The following FRMPD4 variants were observed in gnomAD, a reference collection of about 807,000 sequenced individuals.
FRMPD4 encodes the protein FERM and PDZ domain-containing protein 4.
FRMPD4 carries 22 observed loss-of-function variants against 94.1 expected under a neutral mutation model. The observed-to-expected ratio is 0.23, with a 90% CI of 0.17 to 0.33. FRMPD4 has a LOEUF of 0.33. FRMPD4 is among the 10% of genes least tolerant of loss of function. The probability of loss-of-function intolerance (pLI) is 1.00; values close to 1 mark genes in which losing one functional copy is unlikely to be tolerated. For synonymous variants in FRMPD4, 631 were observed against 548.6 expected (o/e 1.15, Z -2.10); for missense variants, 1,111 against 1,339.9 (o/e 0.83, Z 2.67).
chrX:12,528,319 G>GTTTTTTTT (rs62720861), intron 2 of FRMPD4, among the ~76,000 whole-genome samples: 3 of 73,863 alleles, frequency 4.1e-5, no homozygotes, highest in East Asian at 3.9e-4. Context: ...TTTTGTTTTT[G>GTTTTTTTT]TTTTTTTTTT....
At chrX:12,715,999 C>CGGGGGGGG in intron 14 of FRMPD4, 70 bp from the exon 15 acceptor site, 3 of 337,358 alleles carry the variant, frequency 8.9e-6, no homozygotes, top group Non-Finnish European at 5.4e-6. Flanking sequence ...CAGAGACGAG[C>CGGGGGGGG]CTCCCACCCC....
intron 1 of FRMPD4, among the ~76,000 whole-genome samples, chrX:12,213,305 A>G (rs1320643940): frequency 1.8e-5 from 2 of 112,095 alleles, no homozygotes; most frequent in Non-Finnish European, 3.8e-5. Flanking sequence ...TCTTATCGTT[A>G]ATGCTTTTGA....
upstream of FRMPD4, among the ~76,000 whole-genome samples, chrX:12,138,002 T>C (rs1390311012): frequency 9.0e-6 from 1 of 111,452 alleles, no homozygotes; most frequent in African/African-American, 3.3e-5. Context: ...AGCAGCTGTG[T>C]TCATCCCCCT....
At position 12,196,318 on chromosome X, in the gene FRMPD4, C is replaced by T. The variant is rs576492980; in HGVS notation, c.41+57306C>T. On this transcript the variant is annotated intron_variant, in intron 1 of 16. Coordinates refer to ENST00000675598, the MANE Select transcript of FRMPD4 (RefSeq NM_001368397.1). ...GGCAGAGCCCAGATTGCTTCAGTCC[C>T]TACTGCCATCACATTCTCCTTTGGG... Among the ~76,000 whole-genome samples the T allele has an allele frequency of 1.1e-3, 120 of 111,775 alleles. 1 individual carries two copies. Among genetic ancestry groups the T allele is most frequent in the Non-Finnish European group, 8.8e-4 (47 of 53,133 alleles).
At chrX:12,242,366 G>C (rs1238379173) in intron 1 of FRMPD4, among the ~76,000 whole-genome samples, 3 of 111,284 alleles carry the variant, frequency 2.7e-5, no homozygotes, top group African/African-American at 9.8e-5. Flanking sequence ...TGCATTGAAT[G>C]GTGAGTTTAC....
intron 10 of FRMPD4, among the ~76,000 whole-genome samples, chrX:12,702,727 G>T (rs2041809598): frequency 8.9e-6 from 1 of 112,405 alleles, no homozygotes; most frequent in African/African-American, 3.2e-5. Flanking sequence ...TCTCCAACTT[G>T]CTGACTTCAA....
chrX:12,638,122 C>T (rs991051808), intron 4 of FRMPD4, among the ~76,000 whole-genome samples: 1 of 112,502 alleles, frequency 8.9e-6, no homozygotes, highest in African/African-American at 3.2e-5. Flanking sequence ...ACTAGACACA[C>T]TTTTATTCAT....
intron 3 of FRMPD4, among the ~76,000 whole-genome samples, chrX:11,944,619 C>A (rs770228756): frequency 9.0e-6 from 1 of 111,651 alleles, no homozygotes; most frequent in Admixed American, 9.5e-5. Flanking sequence ...CTAGGATCAG[C>A]AGAACATGCT....
At chrX:12,570,764 A>G (rs896413020) in intron 2 of FRMPD4, among the ~76,000 whole-genome samples, 7 of 111,316 alleles carry the variant, frequency 6.3e-5, no homozygotes, top group African/African-American at 2.3e-4. Flanking sequence ...TTTCAATTTA[A>G]TAACTGAGAA....
intron 1 of FRMPD4, among the ~76,000 whole-genome samples, chrX:11,849,722 C>T (rs752153274): frequency 9.3e-6 from 1 of 108,058 alleles, no homozygotes; most frequent in Admixed American, 9.9e-5. Context: ...AAGAGATATC[C>T]ACATGCAGAA....
upstream of FRMPD4, among the ~76,000 whole-genome samples, chrX:12,138,045 A>G (rs2055625577): frequency 9.0e-6 from 1 of 111,573 alleles, no homozygotes; most frequent in South Asian, 3.8e-4. Context: ...TATTTGGCAG[A>G]CACTCCCGCG....
At chrX:12,131,690 C>T (rs1170992847) in intron 3 of FRMPD4, among the ~76,000 whole-genome samples, 1 of 111,678 alleles carries the variant, frequency 9.0e-6, no homozygotes, top group Non-Finnish European at 1.9e-5. Flanking sequence ...TCCCACAAAT[C>T]TATATTCAAA....
chrX:12,676,783 T>C (rs2059905128), intron 5 of FRMPD4, among the ~76,000 whole-genome samples: 1 of 112,021 alleles, frequency 8.9e-6, no homozygotes, highest in African/African-American at 3.2e-5. Context: ...TTTCTAGGAG[T>C]TCCGATGGCT....
chrX:12,081,539 A>G (rs2055062443), intron 3 of FRMPD4, among the ~76,000 whole-genome samples: 1 of 111,278 alleles, frequency 9.0e-6, no homozygotes, highest in African/African-American at 3.3e-5. Flanking sequence ...TTGTAGATCT[A>G]GTAACAGGCT....
chrX:12,623,592 A>C (rs1456530797), intron 4 of FRMPD4, among the ~76,000 whole-genome samples: 1 of 84,660 alleles, frequency 1.2e-5, no homozygotes, highest in Non-Finnish European at 2.3e-5. Flanking sequence ...AAGGGGAAAA[A>C]GCTTATTTAA....
intron 2 of FRMPD4, among the ~76,000 whole-genome samples, chrX:12,507,002 G>T (rs2057992745): frequency 8.9e-6 from 1 of 111,989 alleles, no homozygotes; most frequent in Non-Finnish European, 1.9e-5. Context: ...ATATGGCAGG[G>T]TTCCTTGGTC....
chrX:12,581,858 C>T (rs138291098), intron 2 of FRMPD4, among the ~76,000 whole-genome samples: 1 of 112,207 alleles, frequency 8.9e-6, no homozygotes, highest in African/African-American at 3.2e-5. Context: ...GCTCAAATGC[C>T]ATTTTCTCAT....
At chrX:12,011,698 G>C (rs956971371) in intron 3 of FRMPD4, among the ~76,000 whole-genome samples, 1 of 111,273 alleles carries the variant, frequency 9.0e-6, no homozygotes, top group Non-Finnish European at 1.9e-5. Context: ...CTGTGATATG[G>C]AGGAATAATT....
intron 3 of FRMPD4, among the ~76,000 whole-genome samples, chrX:11,989,979 A>G (rs907929518): frequency 3.6e-5 from 4 of 111,921 alleles, no homozygotes; most frequent in Non-Finnish European, 5.6e-5. Context: ...AAAAAACTAA[A>G]TTGATATTCA....
Sources: allele counts gnomAD v4.1 joint callset (sites outside exome capture counted in the v4.1 genomes callset), GRCh38; gene constraint gnomAD v4.1.1; transcripts MANE v1.5; gene names NCBI Gene and HGNC (gene_info 2026-07-23, HGNC 2026-07-21).